The following TENM2 variants were observed in gnomAD, a reference collection of about 807,000 sequenced individuals.
TENM2 encodes the protein teneurin transmembrane protein 2.
TENM2 carries 52 observed loss-of-function variants against 245.2 expected under a neutral mutation model. The observed-to-expected ratio is 0.21, with a 90% CI of 0.17 to 0.27. The LOEUF (loss-of-function observed/expected upper bound fraction) is 0.27, where lower values mean the gene tolerates loss of function less well. Ranked by LOEUF, TENM2 falls within the 10% of genes least tolerant of loss-of-function variation. The pLI is 1.00. For missense variants in TENM2, 3,046 were observed against 3,666.8 expected (o/e 0.83, Z 4.37); for synonymous variants, 1,363 against 1,438.9 (o/e 0.95, Z 1.19).
At chr5:167,923,332 A>T (rs570380314) in intron 3 of TENM2, among the ~76,000 whole-genome samples, 1 of 152,086 alleles carries the variant, frequency 6.6e-6, no homozygotes, top group Non-Finnish European at 1.5e-5. Flanking sequence ...AAGAAAAAAA[A>T]AAAAGCCATG....
chr5:167,363,098 C>G (rs1759812834), intron 1 of TENM2, among the ~76,000 whole-genome samples: 1 of 152,086 alleles, frequency 6.6e-6, no homozygotes, highest in Non-Finnish European at 1.5e-5. Flanking sequence ...AACTCTCCAT[C>G]CAGGCAGATT....
the TENM2 span, among the ~76,000 whole-genome samples, chr5:167,169,330 G>T: frequency 1.3e-5 from 2 of 152,112 alleles, no homozygotes; most frequent in South Asian, 2.1e-4. Context: ...AGAAAAACAT[G>T]CAAATAAAGT....
intron 2 of TENM2, among the ~76,000 whole-genome samples, chr5:167,811,780 T>A (rs1400076166): frequency 6.6e-6 from 1 of 152,142 alleles, no homozygotes; most frequent in African/African-American, 2.4e-5. Flanking sequence ...GGCGTTCCAG[T>A]AATGGAATAC....
chr5:167,001,308 T>C, the TENM2 span, among the ~76,000 whole-genome samples: 1 of 152,126 alleles, frequency 6.6e-6, no homozygotes, highest in Non-Finnish European at 1.5e-5. Flanking sequence ...CGTGGGTTAC[T>C]CTTATTTTCT....
chr5:167,375,055 G>A (rs73369722), intron 1 of TENM2, 143 bp from the exon 4 acceptor site: 8,770 of 806,920 alleles, frequency 0.011, 299 homozygotes, highest in African/African-American at 0.1. Flanking sequence ...GAATACTCTT[G>A]TCCAAGATCT....
intron 2 of TENM2, among the ~76,000 whole-genome samples, chr5:167,690,952 T>C (rs1302152431): frequency 6.8e-6 from 1 of 146,450 alleles, no homozygotes; most frequent in African/African-American, 2.6e-5. Flanking sequence ...TGTGTGTGTG[T>C]GTGTGTGTGT....
intron 2 of TENM2, among the ~76,000 whole-genome samples, chr5:167,702,346 C>T (rs1758194542): frequency 6.6e-6 from 1 of 151,924 alleles, no homozygotes; most frequent in African/African-American, 2.4e-5. Flanking sequence ...CATGTCTTTC[C>T]ATGGGAAAGT....
In TENM2 at chr5:167,909,368, G is replaced by A. The variant is rs73803271; in HGVS notation, c.712+33173G>A. 2.1e-3 allele frequency among the ~76,000 whole-genome samples: 313 copies of A among 152,130 alleles called. 3 individuals are homozygous for A. Among genetic ancestry groups the A allele is most frequent in the African/African-American group, 7.2e-3 (298 of 41,498 alleles). On this transcript the variant is annotated intron_variant, in intron 3 of 28. Transcript: ENST00000518659. ...ACTTGTGTTTAATCTCCCTTCTATA[G>A]GGAATGATGGATTATTAAAAGTATT...
intron 3 of TENM2, among the ~76,000 whole-genome samples, chr5:167,900,111 T>TAAAAAAAAAAAAAAAAAAAA (rs71853736): frequency 2.3e-5 from 1 of 43,450 alleles, no homozygotes; most frequent in African/African-American, 1.2e-4. Context: ...CTCAACCCAC[T>TAAAAAAAAAAAAAAAAAAAA]AAAAAAAAAA....
chr5:167,577,555 G>T (rs1468475361), intron 2 of TENM2, among the ~76,000 whole-genome samples: 2 of 152,098 alleles, frequency 1.3e-5, no homozygotes, highest in Non-Finnish European at 2.9e-5. Context: ...GGCTAGGGAT[G>T]TTCCCGATTT....
intron 28 of TENM2, among the ~76,000 whole-genome samples, chr5:168,261,694 GAGTAC>G (rs1356241399): frequency 3.3e-5 from 5 of 152,238 alleles, no homozygotes; most frequent in African/African-American, 1.2e-4. Context: ...CCAACCATCA[GAGTAC>G]AGAACAGGGC....
upstream of TENM2, among the ~76,000 whole-genome samples, chr5:167,281,113 G>GT (rs754623913): frequency 0.12 from 14,993 of 122,316 alleles, 833 homozygotes; most frequent in East Asian, 0.33. Context: ...GACAATCAAT[G>GT]TTTTTTTTTT....
intron 2 of TENM2, among the ~76,000 whole-genome samples, chr5:167,387,518 C>G (rs1179625446): frequency 2.6e-5 from 4 of 152,008 alleles, no homozygotes; most frequent in African/African-American, 7.2e-5. Flanking sequence ...ATTTCTTTCT[C>G]TTGTCTGATT....
At chr5:167,571,380 T>C (rs10039321) in intron 2 of TENM2, among the ~76,000 whole-genome samples, 104,325 of 152,104 alleles carry the variant, frequency 0.69, 35,856 homozygotes, top group Middle Eastern at 0.76. Flanking sequence ...ACTTAACTAC[T>C]GTATCATACG....
At chr5:167,533,572 T>C (rs1319733735) in intron 2 of TENM2, among the ~76,000 whole-genome samples, 1 of 152,154 alleles carries the variant, frequency 6.6e-6, no homozygotes, top group Admixed American at 6.6e-5. Context: ...TCTTCACACC[T>C]TAGCCTCCCA....
chr5:167,638,142 T>C (rs1779335867), intron 2 of TENM2, among the ~76,000 whole-genome samples: 2 of 97,466 alleles, frequency 2.1e-5, no homozygotes, highest in Non-Finnish European at 4.1e-5. Flanking sequence ...TGTGTGTGTG[T>C]GTCAGGGGGC....
chr5:167,043,275 T>G, the TENM2 span, among the ~76,000 whole-genome samples: 1 of 152,192 alleles, frequency 6.6e-6, no homozygotes, highest in Non-Finnish European at 1.5e-5. Flanking sequence ...ATTTCAAAGT[T>G]TTGTGAGGTA....
At chr5:167,800,251 T>A (rs1457066978) in intron 2 of TENM2, among the ~76,000 whole-genome samples, 1 of 152,198 alleles carries the variant, frequency 6.6e-6, no homozygotes, top group Non-Finnish European at 1.5e-5. Context: ...TAGAGGCAAG[T>A]CTTGAGTTGG....
At chr5:167,984,320 G>C (rs1783067408) in intron 4 of TENM2, among the ~76,000 whole-genome samples, 1 of 152,204 alleles carries the variant, frequency 6.6e-6, no homozygotes, top group Admixed American at 6.5e-5. Context: ...ATGTTTACCA[G>C]TCTATCTCTA....
Sources: allele counts gnomAD v4.1 joint callset (sites outside exome capture counted in the v4.1 genomes callset), GRCh38; gene constraint gnomAD v4.1.1; transcripts MANE v1.5; gene names NCBI Gene and HGNC (gene_info 2026-07-23, HGNC 2026-07-21).